Variants in UGT1A6 observed in about 807,000 individuals in gnomAD.
The protein encoded by UGT1A6 is UDP-glucuronosyltransferase 1A6.
A neutral mutation model predicts 44.4 loss-of-function variants in UGT1A6; 32 were observed. That is an observed-to-expected ratio of 0.72 (90% CI 0.54 to 0.97). The LOEUF is 0.97. UGT1A6 is among the 50% of genes least tolerant of loss of function. The pLI is 0.00. For missense variants in UGT1A6, 685 were observed against 661.9 expected (o/e 1.03, Z -0.38); for synonymous variants, 238 against 248.5 (o/e 0.96, Z 0.40).
intron 1 of UGT1A6, among the ~76,000 whole-genome samples, chr2:233,715,374 C>CAT (rs35623965): frequency 0.1 from 15,418 of 152,200 alleles, 893 homozygotes; most frequent in East Asian, 0.2. Flanking sequence ...ATTTTCTTCA[C>CAT]AGTTTGCTGT....
intron 1 of UGT1A6, among the ~76,000 whole-genome samples, chr2:233,762,246 C>T (rs569266202): frequency 2.4e-4 from 36 of 152,288 alleles, no homozygotes; most frequent in African/African-American, 8.2e-4. Flanking sequence ...ACAGAATAGG[C>T]ACCCACCGAA....
At chr2:233,704,256 C>CTTTTTTTTTTTT (rs59925871) in intron 1 of UGT1A6, among the ~76,000 whole-genome samples, 5 of 123,642 alleles carry the variant, frequency 4.0e-5, no homozygotes, top group African/African-American at 6.5e-5. Context: ...GCCTTTATTG[C>CTTTTTTTTTTTT]TTTTTTTTTT....
intron 1 of UGT1A6, chr2:233,719,027 C>A: frequency 1.2e-6 from 2 of 1,614,228 alleles, no homozygotes; most frequent in South Asian, 1.1e-5. Flanking sequence ...ATATGCACAT[C>A]AAAGAAGAGA....
chr2:233,713,664 C>T (rs17862867), intron 1 of UGT1A6: 157,954 of 1,613,772 alleles, frequency 0.098, 8,758 homozygotes, highest in South Asian at 0.2. Flanking sequence ...CTACCTTTGC[C>T]ATGCTGTTTC....
intron 1 of UGT1A6, among the ~76,000 whole-genome samples, chr2:233,714,489 G>A (rs1410675106): frequency 1.3e-5 from 2 of 152,138 alleles, no homozygotes; most frequent in East Asian, 3.9e-4. Flanking sequence ...TTCTTGTGAA[G>A]ACACTACTTA....
intron 1 of UGT1A6, chr2:233,729,394 G>T: frequency 1.2e-6 from 2 of 1,613,862 alleles, no homozygotes; most frequent in Non-Finnish European, 1.7e-6. Context: ...GGATGAATTT[G>T]ATCGCCATGT....
In UGT1A6 at chr2:233,767,044, C is replaced by A. The variant is rs758873309; in HGVS notation, c.872C>A (p.Ala291Asp). Residue 291 changes from alanine (A) to aspartate (D), a missense_variant, in exon 2 of 5, where the codon GCC becomes GAC. Ala to Asp is a moderately radical substitution (Grantham distance 126, BLOSUM62 -2). Coordinates refer to ENST00000305139, the MANE Select transcript of UGT1A6 (RefSeq NM_001072.4). ...KRKDLSQEFE[A>D]YINASGEHGI... ...TTCTTCTGGCTCTAGGAATTTGAAG[C>A]CTACATTAATGCTTCTGGAGAACAT... 1.2e-6 allele frequency: 2 copies of A among 1,613,992 alleles called. No homozygotes were observed. Among genetic ancestry groups the A allele is most frequent in the Non-Finnish European group, 1.7e-6 (2 of 1,179,984 alleles).
rs569101199 is a variant in UGT1A6, at chr2:233,772,971, C to T, written c.*412C>T. 9.8e-5 allele frequency: 30 copies of T among 306,230 alleles called. No individual in the cohort carries two copies. Among genetic ancestry groups the T allele is most frequent in the African/African-American group, 6.3e-4 (29 of 45,956 alleles). The allele number at this position is 306,230 out of a possible 1,614,324, so 19.0% of individuals were successfully genotyped here. On this transcript the variant is annotated 3_prime_UTR_variant, in exon 5 of 5. Coordinates refer to ENST00000305139, the MANE Select transcript of UGT1A6 (RefSeq NM_001072.4). ...GCAGATGGTTGCAATTGATCCTTAACCAATAATGGTCAGTCCTCATCTCTG... is the reference window on the plus strand; with the variant it reads ...GCAGATGGTTGCAATTGATCCTTAATCAATAATGGTCAGTCCTCATCTCTG...
chr2:233,761,175 ACATG>A lies in UGT1A6; in HGVS notation c.862-5857_862-5854del, dbSNP rs768058244. The A allele has an allele frequency of 9.3e-6, 15 of 1,614,212 alleles. No homozygotes were observed. In the African/African-American group the frequency reaches 1.9e-4, roughly 20 times the overall value. On this transcript the variant is annotated intron_variant, in intron 1 of 4. Coordinates refer to ENST00000305139, the MANE Select transcript of UGT1A6 (RefSeq NM_001072.4). ...AGGTGTGTATTGGAGTGGGACTTTT[ACATG>A]CGTATATTCTTTCAGATGTATTACT... is the stretch of plus-strand genomic sequence containing the variant.
chr2:233,767,749 G>A (rs1699471404), intron 2 of UGT1A6, 100 bp from the exon 3 acceptor site: 1 of 1,594,036 alleles, frequency 6.3e-7, no homozygotes, highest in African/African-American at 1.3e-5. Context: ...GTTAAAGACT[G>A]TTCCTTCAGA....
At chr2:233,721,843 C>A (rs2076975309) in intron 1 of UGT1A6, 2 of 515,272 alleles carry the variant, frequency 3.9e-6, no homozygotes, top group Non-Finnish European at 3.9e-6. Context: ...ACCTTGTGTC[C>A]AGCCCCACTG....
intron 1 of UGT1A6, chr2:233,721,798 T>C (rs1311334621): frequency 1.9e-6 from 1 of 514,350 alleles, no homozygotes; most frequent in East Asian, 5.5e-5. Flanking sequence ...TTAAAGCACA[T>C]GCAGCAAAAA....
intron 1 of UGT1A6, among the ~76,000 whole-genome samples, chr2:233,739,357 C>T (rs1308637370): frequency 6.6e-6 from 1 of 152,104 alleles, no homozygotes; most frequent in African/African-American, 2.4e-5. Context: ...AGGGCAGATC[C>T]AATAGCTTGC....
intron 1 of UGT1A6, chr2:233,719,472 C>G: frequency 6.2e-7 from 1 of 1,614,022 alleles, no homozygotes; most frequent in Non-Finnish European, 8.5e-7. Context: ...GCTCTACCCT[C>G]TGGCCCTGTC....
At chr2:233,761,638 C>T (rs769742430) in intron 1 of UGT1A6, among the ~76,000 whole-genome samples, 2 of 152,230 alleles carry the variant, frequency 1.3e-5, no homozygotes, top group African/African-American at 2.4e-5. Context: ...TCCTGCAGTC[C>T]GTTCTCTTCT....
In UGT1A6 at chr2:233,755,391, C is replaced by G. The variant is rs115647781; in HGVS notation, c.862-11643C>G. 7.3e-3 allele frequency: 2,499 copies of G among 343,022 alleles called. 14 individuals carry two copies. The highest frequency in any genetic ancestry group is 0.01 in the Non-Finnish European group (1,783 of 176,380). 21.2% of individuals were successfully genotyped at this position (343,022 alleles called of 1,614,324 possible). A position where few individuals can be genotyped will look rare whatever the true frequency, so the allele number is the denominator to read the frequency against. On this transcript the variant is annotated intron_variant, in intron 1 of 4. Coordinates refer to ENST00000305139, the MANE Select transcript of UGT1A6 (RefSeq NM_001072.4). ...TGGAGGGCCGCCCCTTATGACGCAGCCACATCTCATTGGCCGAGGCCTGTG... is the reference window on the plus strand; with the variant it reads ...TGGAGGGCCGCCCCTTATGACGCAGGCACATCTCATTGGCCGAGGCCTGTG...
intron 1 of UGT1A6, among the ~76,000 whole-genome samples, chr2:233,706,527 A>G (rs1298555218): frequency 1.3e-5 from 2 of 152,242 alleles, no homozygotes; most frequent in African/African-American, 4.8e-5. Context: ...ACAGCGGCTT[A>G]GAAACACAGC....
chr2:233,734,619 T>A (rs1463316378), intron 1 of UGT1A6, among the ~76,000 whole-genome samples: 1 of 152,238 alleles, frequency 6.6e-6, no homozygotes, highest in African/African-American at 2.4e-5. Flanking sequence ...GTGTTGATTT[T>A]AGATCTTTCC....
intron 1 of UGT1A6, among the ~76,000 whole-genome samples, chr2:233,749,359 C>G (rs189942106): frequency 6.6e-6 from 1 of 151,920 alleles, no homozygotes; most frequent in East Asian, 1.9e-4. Flanking sequence ...TAAATAGTGA[C>G]TCTTGCCCTT....
Sources: allele counts gnomAD v4.1 joint callset (sites outside exome capture counted in the v4.1 genomes callset), GRCh38; gene constraint gnomAD v4.1.1; transcripts MANE v1.5; gene names NCBI Gene and HGNC (gene_info 2026-07-23, HGNC 2026-07-21).